PAX5: variants seen among roughly 807,000 people sequenced by gnomAD.
PAX5 encodes the protein paired box 5.
A neutral mutation model predicts 43.7 loss-of-function variants in PAX5; 9 were observed. The ratio of observed to expected loss-of-function variants is 0.21; its 90% CI spans 0.12 to 0.36. PAX5 has a LOEUF of 0.36. Among genes scored for constraint, PAX5 ranks in the 10% least tolerant of loss-of-function variants. PAX5 has a pLI of 1.00. For synonymous variants in PAX5, 228 were observed against 214.3 expected (o/e 1.06, Z -0.56); for missense variants, 383 against 532.7 (o/e 0.72, Z 2.77).
chr9:36,961,380 C>G (rs1833960623), intron 6 of PAX5, among the ~76,000 whole-genome samples: 1 of 152,208 alleles, frequency 6.6e-6, no homozygotes, highest in African/African-American at 2.4e-5. Flanking sequence ...CAGCACATCC[C>G]CTTCCCCAGC....
intron 7 of PAX5, among the ~76,000 whole-genome samples, chr9:36,918,497 T>C (rs1829886239): frequency 6.6e-6 from 1 of 152,016 alleles, no homozygotes. Context: ...ACCCTGTCTC[T>C]ACAAAAAATT....
At chr9:36,995,729 G>A (rs1261457832) in intron 5 of PAX5, among the ~76,000 whole-genome samples, 1 of 152,166 alleles carries the variant, frequency 6.6e-6, no homozygotes, top group Admixed American at 6.5e-5. Flanking sequence ...ACGGAGCGGG[G>A]CGTCTCAGGT....
intron 6 of PAX5, among the ~76,000 whole-genome samples, chr9:36,932,399 T>C (rs1388747226): frequency 6.6e-6 from 1 of 152,262 alleles, no homozygotes; most frequent in African/African-American, 2.4e-5. Context: ...TGGAATACTA[T>C]TCAACAGTGA....
chr9:36,877,643 A>G (rs1034961979), intron 8 of PAX5, among the ~76,000 whole-genome samples: 1 of 152,190 alleles, frequency 6.6e-6, no homozygotes, highest in Admixed American at 6.5e-5. Flanking sequence ...CAGCACCGTC[A>G]CAATTCAGTG....
intron 8 of PAX5, among the ~76,000 whole-genome samples, chr9:36,870,919 C>T (rs1372709527): frequency 6.6e-6 from 1 of 152,258 alleles, no homozygotes; most frequent in Admixed American, 6.5e-5. Flanking sequence ...CTGGACACTC[C>T]TGCATAGGGT....
intron 5 of PAX5, among the ~76,000 whole-genome samples, chr9:36,982,632 T>G (rs1056961216): frequency 1.6e-4 from 24 of 152,248 alleles, no homozygotes; most frequent in Non-Finnish European, 3.2e-4. Context: ...TTTGGGGGCA[T>G]GAAGGAAGAG....
intron 7 of PAX5, among the ~76,000 whole-genome samples, chr9:36,912,175 T>A (rs1829352064): frequency 6.6e-6 from 1 of 152,224 alleles, no homozygotes; most frequent in African/African-American, 2.4e-5. Flanking sequence ...GCTGGGCAAA[T>A]GTCTCTTTGT....
At chr9:36,928,239 C>T (rs976158381) in intron 6 of PAX5, among the ~76,000 whole-genome samples, 1 of 152,244 alleles carries the variant, frequency 6.6e-6, no homozygotes, top group Non-Finnish European at 1.5e-5. Context: ...TTCCCTGGAA[C>T]ATTGCTACAC....
intron 5 of PAX5, among the ~76,000 whole-genome samples, chr9:36,978,589 A>G (rs982455921): frequency 6.6e-6 from 1 of 152,170 alleles, no homozygotes; most frequent in African/African-American, 2.4e-5. Context: ...TTTTTAAATT[A>G]CTGTCTGTAT....
chr9:36,915,856 G>A (rs927506850), intron 7 of PAX5, among the ~76,000 whole-genome samples: 1 of 152,010 alleles, frequency 6.6e-6, no homozygotes, highest in Non-Finnish European at 1.5e-5. Context: ...AGAATCACTT[G>A]AGCCCAAGAG....
At chr9:37,004,723 G>A (rs1023078964) in intron 4 of PAX5, among the ~76,000 whole-genome samples, 1 of 152,174 alleles carries the variant, frequency 6.6e-6, no homozygotes, top group Admixed American at 6.5e-5. Flanking sequence ...GAAGATCCCA[G>A]GTCACTTGGT....
intron 2 of PAX5, among the ~76,000 whole-genome samples, chr9:37,019,359 G>A (rs913148774): frequency 6.6e-6 from 1 of 152,132 alleles, no homozygotes; most frequent in Non-Finnish European, 1.5e-5. Context: ...TTTGCTGAGT[G>A]CTAAACAGGA....
chr9:36,946,488 T>C (rs567949765), intron 6 of PAX5, among the ~76,000 whole-genome samples: 8 of 152,164 alleles, frequency 5.3e-5, no homozygotes, highest in Non-Finnish European at 1.2e-4. Flanking sequence ...TCTGGAAATT[T>C]TGACCTCAAA....
chr9:36,846,667 C>T (rs952458319), intron 9 of PAX5, among the ~76,000 whole-genome samples, 176 bp downstream of exon 9: 3 of 152,190 alleles, frequency 2.0e-5, no homozygotes, highest in African/African-American at 7.2e-5. Context: ...AGGGCTGGAG[C>T]ACTATTTACT....
chr9:36,878,435 A>T (rs1587846712), intron 8 of PAX5, among the ~76,000 whole-genome samples: 3 of 152,154 alleles, frequency 2.0e-5, no homozygotes, highest in Non-Finnish European at 1.5e-5. Context: ...CTTCCCCCAG[A>T]GGGGGGGCCA....
At chr9:36,984,544 G>A (rs183830700) in intron 5 of PAX5, among the ~76,000 whole-genome samples, 18 of 143,156 alleles carry the variant, frequency 1.3e-4, no homozygotes, top group South Asian at 4.6e-4. Context: ...AGGTTCAAGC[G>A]ATTCTCCTGT....
chr9:36,833,419 C>T lies in PAX5; in HGVS notation c.*7141G>A, dbSNP rs1037877246. On this transcript the variant is annotated 3_prime_UTR_variant, in exon 10 of 10. Transcript: ENST00000358127. ...AAAAGACACACAGATATTGAAACTA[C>T]GCCAATCTTATTGCATGTTTCTCCA... is the stretch of plus-strand genomic sequence containing the variant. 1.8e-4 allele frequency: 42 copies of T among 232,980 alleles called. No homozygotes were observed. The highest frequency in any genetic ancestry group is 1.5e-4 in the Non-Finnish European group (18 of 118,024). The allele number at this position is 232,980 out of a possible 1,614,324, so 14.4% of individuals were successfully genotyped here. A position where few individuals can be genotyped will look rare whatever the true frequency, so the allele number is the denominator to read the frequency against.
At chr9:36,923,929 C>T (rs556601982) in intron 6 of PAX5, among the ~76,000 whole-genome samples, 4 of 152,182 alleles carry the variant, frequency 2.6e-5, no homozygotes, top group Admixed American at 1.3e-4. Context: ...ATCACAGAAA[C>T]AAGGGTTAAG....
chr9:36,963,083 G>C (rs1834108622), intron 6 of PAX5, among the ~76,000 whole-genome samples: 1 of 152,260 alleles, frequency 6.6e-6, no homozygotes, highest in South Asian at 2.1e-4. Context: ...TCATAGTCCA[G>C]TGCCTGTGTG....
Sources: allele counts gnomAD v4.1 joint callset (sites outside exome capture counted in the v4.1 genomes callset), GRCh38; gene constraint gnomAD v4.1.1; transcripts MANE v1.5; gene names NCBI Gene and HGNC (gene_info 2026-07-23, HGNC 2026-07-21).